JAZF1: variants seen among roughly 807,000 people sequenced by gnomAD.
JAZF1 encodes the protein JAZF zinc finger 1, also known as juxtaposed with another zinc finger protein 1.
In JAZF1, 8 loss-of-function variants were observed where a neutral mutation model predicts 26.4. The observed-to-expected ratio is 0.30, with a 90% CI of 0.18 to 0.55. JAZF1 has a LOEUF of 0.55. Ranked by LOEUF, JAZF1 falls within the 20% of genes least tolerant of loss-of-function variation. The probability of loss-of-function intolerance (pLI) is 0.94; values close to 1 mark genes in which losing one functional copy is unlikely to be tolerated. For synonymous variants in JAZF1, 126 were observed against 122.3 expected (o/e 1.03, Z -0.20); for missense variants, 199 against 322.0 (o/e 0.62, Z 2.92).
chr7:28,024,993 C>A (rs1273141969), intron 1 of JAZF1, among the ~76,000 whole-genome samples: 2 of 152,212 alleles, frequency 1.3e-5, no homozygotes, highest in African/African-American at 4.8e-5. Flanking sequence ...AGAGAAAGCC[C>A]TGACCACAGG....
chr7:27,885,043 G>C (rs1783834683), intron 3 of JAZF1, among the ~76,000 whole-genome samples: 1 of 152,176 alleles, frequency 6.6e-6, no homozygotes, highest in African/African-American at 2.4e-5. Context: ...GAGTTTCAGA[G>C]ACACTATAGT....
At chr7:28,112,476 T>G (rs17156401) in intron 1 of JAZF1, among the ~76,000 whole-genome samples, 11,465 of 152,224 alleles carry the variant, frequency 0.075, 734 homozygotes, top group African/African-American at 0.18. Flanking sequence ...AAGAACTGAG[T>G]GTAGAAAATC....
intron 3 of JAZF1, among the ~76,000 whole-genome samples, chr7:27,855,255 T>C (rs573686933): frequency 6.6e-6 from 1 of 152,098 alleles, no homozygotes; most frequent in East Asian, 1.9e-4. Flanking sequence ...TAGCACTAAA[T>C]GCCCACAAGA....
intron 1 of JAZF1, among the ~76,000 whole-genome samples, chr7:28,114,621 T>C (rs1484215910): frequency 2.0e-5 from 3 of 150,844 alleles, no homozygotes; most frequent in Non-Finnish European, 4.4e-5. Context: ...TTTCTACTTT[T>C]AGGGTTTATT....
In JAZF1 at chr7:28,118,775, C is replaced by CACACACACACACACACA. The variant is rs1383600595; in HGVS notation, c.115+61671_115+61687dup. Among the ~76,000 whole-genome samples the CACACACACACACACACA allele has an allele frequency of 5.9e-4, 90 of 151,652 alleles. 1 individual carries two copies. Among genetic ancestry groups the CACACACACACACACACA allele is most frequent in the African/African-American group, 2.1e-3 (85 of 41,278 alleles). On this transcript the variant is annotated intron_variant, in intron 1 of 4. Transcript: ENST00000283928. ...TAAGAGAGTTTTACACACACACACA[C>CACACACACACACACACA]ACACACACACACACACAACACACAC...
chr7:28,143,215 G>C (rs1782982712), intron 1 of JAZF1, among the ~76,000 whole-genome samples: 1 of 152,120 alleles, frequency 6.6e-6, no homozygotes, highest in South Asian at 2.1e-4. Flanking sequence ...GATGCCTCTA[G>C]CCTTGTAGTG....
At chr7:27,872,371 A>T (rs1233974921) in intron 3 of JAZF1, among the ~76,000 whole-genome samples, 1 of 152,274 alleles carries the variant, frequency 6.6e-6, no homozygotes, top group East Asian at 1.9e-4. Context: ...GTAAATAAGT[A>T]AATATATAAA....
chr7:28,068,562 ATTAAAATT>A (rs1783922899), intron 1 of JAZF1, among the ~76,000 whole-genome samples: 1 of 152,194 alleles, frequency 6.6e-6, no homozygotes, highest in South Asian at 2.1e-4. Flanking sequence ...CTACTGACAA[ATTAAAATT>A]TTAATCAGGG....
intron 2 of JAZF1, among the ~76,000 whole-genome samples, chr7:27,915,946 A>G (rs957444333): frequency 6.6e-6 from 1 of 152,198 alleles, no homozygotes; most frequent in African/African-American, 2.4e-5. Flanking sequence ...GTAGAATTCA[A>G]CTGAAATTTC....
At chr7:28,099,706 C>A (rs1282123229) in intron 1 of JAZF1, among the ~76,000 whole-genome samples, 3 of 152,236 alleles carry the variant, frequency 2.0e-5, no homozygotes, top group Admixed American at 1.3e-4. Flanking sequence ...AAACTCCCGA[C>A]CTCAGGTGAT....
intron 3 of JAZF1, among the ~76,000 whole-genome samples, chr7:27,890,491 G>T (rs1174546071): frequency 6.6e-6 from 1 of 152,154 alleles, no homozygotes; most frequent in African/African-American, 2.4e-5. Flanking sequence ...ACACAGTGTG[G>T]ATGGTATAAT....
intron 1 of JAZF1, among the ~76,000 whole-genome samples, chr7:28,060,525 A>T (rs1001840996): frequency 6.6e-6 from 1 of 152,210 alleles, no homozygotes; most frequent in African/African-American, 2.4e-5. Flanking sequence ...TTCTAAGCTG[A>T]ATGTTTTTCT....
rs1424812762 is a variant in JAZF1 at position 27,990,347 on chromosome 7, C to T, written c.188+1562G>A. On this transcript the variant is annotated intron_variant, in intron 2 of 4. Transcript: ENST00000283928. ...ACACCTAATGTAAATGACCAGTTAACGGGTGCAGCACACCAACATGGCACA... is the reference window on the plus strand; with the variant it reads ...ACACCTAATGTAAATGACCAGTTAATGGGTGCAGCACACCAACATGGCACA... Among the ~76,000 whole-genome samples, 10 of 151,910 alleles carry T rather than the reference C, an allele frequency of 6.6e-5. No homozygotes were observed. The East Asian group carries it at 9.7e-4, about 15-fold the overall frequency.
chr7:27,922,266 A>C (rs1784542382), intron 2 of JAZF1, among the ~76,000 whole-genome samples: 1 of 152,070 alleles, frequency 6.6e-6, no homozygotes, highest in Non-Finnish European at 1.5e-5. Context: ...TTTGTTGGAG[A>C]CGGAGTCTCA....
At chr7:28,009,487 CTT>C (rs758716307) in intron 1 of JAZF1, among the ~76,000 whole-genome samples, 13 of 143,706 alleles carry the variant, frequency 9.0e-5, no homozygotes, top group Admixed American at 1.4e-4. Flanking sequence ...AATACCATTG[CTT>C]TTTTTTTTTT....
At chr7:27,971,207 GT>G (rs751177029) in intron 2 of JAZF1, among the ~76,000 whole-genome samples, 1 of 152,186 alleles carries the variant, frequency 6.6e-6, no homozygotes, top group Non-Finnish European at 1.5e-5. Context: ...TTTGGGTGTC[GT>G]TTGTGATGAT....
At position 27,951,738 on chromosome 7, in the gene JAZF1, G is replaced by C. The variant is rs559754104; in HGVS notation, c.188+40171C>G. Among the ~76,000 whole-genome samples the C allele has an allele frequency of 3.3e-5, 5 of 152,270 alleles. No homozygotes were observed. The East Asian group carries it at 7.7e-4, about 24-fold the overall frequency. On this transcript the variant is annotated intron_variant, in intron 2 of 4. Coordinates refer to ENST00000283928, the MANE Select transcript of JAZF1 (RefSeq NM_175061.4). ...CATTGGTCCCACACTATTGGAACAA[G>C]ACAAAAACACTGCTCAGCCATCTCC...
chr7:27,988,811 G>A (rs767187433), intron 2 of JAZF1, among the ~76,000 whole-genome samples: 36 of 150,716 alleles, frequency 2.4e-4, no homozygotes, highest in Admixed American at 1.2e-3. Context: ...CATGGAACAC[G>A]CATGTTTCAA....
At position 28,031,789 on chromosome 7, in the gene JAZF1, C is replaced by G. The variant is rs116850351; in HGVS notation, c.116-39808G>C. 0.022 allele frequency among the ~76,000 whole-genome samples: 3,387 copies of G among 152,166 alleles called. 305 individuals carry two copies. In the East Asian group the frequency reaches 0.32, roughly 14 times the overall value. The stretch of plus-strand genomic sequence containing the variant: ...TAGCTAATGCATGCTGGGCTTAACA[C>G]CTGAGTGATGGGTTGATAGGTGCAG... On this transcript the variant is annotated intron_variant, in intron 1 of 4. Coordinates refer to ENST00000283928, the MANE Select transcript of JAZF1 (RefSeq NM_175061.4).
Sources: allele counts gnomAD v4.1 joint callset (sites outside exome capture counted in the v4.1 genomes callset), GRCh38; gene constraint gnomAD v4.1.1; transcripts MANE v1.5; gene names NCBI Gene and HGNC (gene_info 2026-07-23, HGNC 2026-07-21).